NCF1: variants seen among roughly 807,000 people sequenced by gnomAD.
NCF1 encodes the protein neutrophil cytosol factor 1.
Under a neutral mutation model 34.9 loss-of-function variants are expected in NCF1, and 8 were observed. The observed-to-expected ratio is 0.23, with a 90% CI of 0.13 to 0.41. The LOEUF (loss-of-function observed/expected upper bound fraction) is 0.41, where lower values mean the gene tolerates loss of function less well. Among genes scored for constraint, NCF1 ranks in the 10% least tolerant of loss-of-function variants. The probability of loss-of-function intolerance (pLI) is 1.00; values close to 1 mark genes in which losing one functional copy is unlikely to be tolerated. For synonymous variants in NCF1, 57 were observed against 146.3 expected (o/e 0.39, Z 4.41); for missense variants, 122 against 362.4 (o/e 0.34, Z 5.39).
At chr7:74,783,126 C>T (rs1227989176) in intron 6 of NCF1, 65 bp downstream of exon 6, 1 of 1,578,270 alleles carries the variant, frequency 6.3e-7, no homozygotes, top group African/African-American at 1.4e-5. Context: ...CACAAGCCCC[C>T]TGCCAAGGCT....
Position 74,779,407 on chromosome 7 carries a change from TC to T in NCF1, c.384del (p.Thr129ArgfsTer12). The stretch of plus-strand genomic sequence containing the variant: ...AAGGTGCGCCCTGATGACCTCAAGC[TC>T]CCCACGGACAACCAGTGAGTGAACT... ...FFKVRPDDLKLPTDNQTKKPE... is the reference protein window; with the variant it reads ...FFKVRPDDLKXPTDNQTKKPE... On this transcript the variant is annotated frameshift_variant, in exon 4 of 11. Transcript: ENST00000289473. LOFTEE classifies it high-confidence loss of function. 6.3e-7 allele frequency: 1 copy of T among 1,581,072 alleles called. No homozygotes were observed.
intron 8 of NCF1, 56 bp from the exon 9 acceptor site, chr7:74,787,928 C>T (rs1178382151): frequency 8.8e-6 from 1 of 114,002 alleles, no homozygotes; most frequent in Non-Finnish European, 1.5e-5. Context: ...CTGAAACCCT[C>T]TCCTCTGGGC....
chr7:74,785,859 G>A (rs1796663495), intron 8 of NCF1, among the ~76,000 whole-genome samples: 1 of 141,756 alleles, frequency 7.1e-6, no homozygotes, highest in African/African-American at 2.7e-5. Context: ...CTCCAGCCTG[G>A]GCAACGAGAG....
chr7:74,787,254 C>T (rs707368), intron 8 of NCF1, among the ~76,000 whole-genome samples: 126,930 of 151,740 alleles, frequency 0.84, 53,010 homozygotes, highest in East Asian at 0.97. Flanking sequence ...CCATGACCAA[C>T]ATGGTGAAAT....
intron 2 of NCF1, 63 bp downstream of exon 2, chr7:74,777,410 C>T: frequency 1.5e-6 from 2 of 1,308,582 alleles, no homozygotes. Flanking sequence ...TTGGGAAGGA[C>T]CTTAGCCCAG....
intron 1 of NCF1, among the ~76,000 whole-genome samples, chr7:74,775,915 G>A (rs1254778920): frequency 6.8e-6 from 1 of 147,100 alleles, no homozygotes; most frequent in Non-Finnish European, 1.5e-5. Flanking sequence ...TTTTGGTAGA[G>A]ACAGGGTTTT....
Position 74,788,481 on chromosome 7 carries a change from G to C in NCF1, c.906-78G>C, listed in dbSNP as rs1441778924. 3 of 1,372,500 alleles carry C rather than the reference G, an allele frequency of 2.2e-6. No homozygotes were observed. The East Asian group carries it at 7.7e-5, about 35-fold the overall frequency. 85.0% of individuals were successfully genotyped at this position (1,372,500 alleles called of 1,614,324 possible). On this transcript the variant is annotated intron_variant, in intron 9 of 10. Coordinates refer to ENST00000289473, the MANE Select transcript of NCF1 (RefSeq NM_000265.7). Reference sequence around the variant, plus strand: ...GCCCCCTACTGCCCCCCACTTCCTCGGACCAGGGGTGCCCATCTGAGTCCC... The same window carrying C: ...GCCCCCTACTGCCCCCCACTTCCTCCGACCAGGGGTGCCCATCTGAGTCCC...
chr7:74,783,048 G>A lies in NCF1; in HGVS notation c.561G>A (p.Glu187=). ...CGGGGGACGTGGTGGAGGTCGTAGA[G>A]AAGAGCGAGAGCGGTCAGACCTCCC... ...LSTGDVVEVV[E]KSESGWWFCQ... The change falls in exon 6 of 11, where the codon GAG becomes GAA. Residue 187 remains glutamate, a synonymous_variant. Transcript: ENST00000289473. 6 of 1,611,562 alleles carry A rather than the reference G, an allele frequency of 3.7e-6. No individual in the cohort carries two copies. Among genetic ancestry groups the A allele is most frequent in the Non-Finnish European group, 4.2e-6 (5 of 1,179,678 alleles).
At chr7:74,785,864 C>T (rs1231482252) in intron 8 of NCF1, among the ~76,000 whole-genome samples, 10 of 117,708 alleles carry the variant, frequency 8.5e-5, no homozygotes, top group South Asian at 2.7e-4. Flanking sequence ...GCCTGGGCAA[C>T]GAGAGCGAAA....
intron 8 of NCF1, among the ~76,000 whole-genome samples, chr7:74,785,934 T>C: frequency 7.2e-6 from 1 of 138,298 alleles, no homozygotes; most frequent in Non-Finnish European, 1.6e-5. Context: ...TTCCTTTATC[T>C]TTTAAAGCTT....
intron 7 of NCF1, 39 bp downstream of exon 7, chr7:74,783,671 A>C (rs2131605800): frequency 6.3e-7 from 1 of 1,596,498 alleles, no homozygotes; most frequent in Non-Finnish European, 8.5e-7. Context: ...GTGTGGGAGA[A>C]AGGGGCAGGC....
intron 8 of NCF1, among the ~76,000 whole-genome samples, chr7:74,786,462 C>G (rs1796676109): frequency 6.6e-6 from 1 of 152,070 alleles, no homozygotes; most frequent in South Asian, 2.1e-4. Context: ...GACTCCCAAG[C>G]TGGAGCACAA....
At chr7:74,775,940 G>A (rs587615323) in intron 1 of NCF1, among the ~76,000 whole-genome samples, 2 of 85,142 alleles carry the variant, frequency 2.3e-5, no homozygotes, top group South Asian at 4.3e-4. Flanking sequence ...TATTGATTCT[G>A]GATCAGTCTT....
At chr7:74,785,652 A>G (rs2472047) in intron 8 of NCF1, 47 of 354,646 alleles carry the variant, frequency 1.3e-4, no homozygotes, top group Admixed American at 4.2e-4. Flanking sequence ...GGAGCCCAGG[A>G]CAGGACGATC....
At chr7:74,781,618 G>A (rs1343009095) in intron 5 of NCF1, 9 of 150,240 alleles carry the variant, frequency 6.0e-5, no homozygotes, top group East Asian at 3.9e-4. Flanking sequence ...CTACAGCCTC[G>A]ACCTCCTGGG....
rs782526868 is a variant in NCF1 at position 74,783,031 on chromosome 7, G to A, written c.544G>A (p.Val182Met). 23 of 1,611,386 alleles carry A rather than the reference G, an allele frequency of 1.4e-5. No individual in the cohort carries two copies. The East Asian group carries it at 2.7e-4, about 19-fold the overall frequency. The change falls in exon 6 of 11, where the codon GTG (valine) becomes ATG (methionine). Residue 182 changes from valine to methionine, a missense_variant. Around this residue, in one of 9 missense-constraint regions of NCF1, gnomAD observed 57 missense variants for 89.3 expected, o/e 0.64. Coordinates refer to ENST00000289473, the MANE Select transcript of NCF1 (RefSeq NM_000265.7). ...CGAGATGGCTCTGTCCACGGGGGAC[G>A]TGGTGGAGGTCGTAGAGAAGAGCGA... ...GSEMALSTGD[V>M]VEVVEKSESG...
intron 8 of NCF1, among the ~76,000 whole-genome samples, chr7:74,787,190 C>G (rs1208143151): frequency 6.6e-6 from 1 of 151,908 alleles, no homozygotes; most frequent in Non-Finnish European, 1.5e-5. Flanking sequence ...GTAATCTCAG[C>G]ACTTTGGGAG....
intron 8 of NCF1, among the ~76,000 whole-genome samples, chr7:74,787,159 C>A (rs1474652440): frequency 1.3e-5 from 2 of 151,660 alleles, no homozygotes; most frequent in African/African-American, 2.4e-5. Flanking sequence ...CCATTTGGGG[C>A]TGGACAGGGA....
intron 1 of NCF1, among the ~76,000 whole-genome samples, chr7:74,775,780 C>T (rs1365688501): frequency 7.6e-6 from 1 of 130,850 alleles, no homozygotes; most frequent in Admixed American, 7.9e-5. Flanking sequence ...TGTCGCCAGA[C>T]TGGAGTGCAG....
Sources: gnomAD v4.1 joint callset for allele counts (sites outside exome capture counted in the v4.1 genomes callset) on GRCh38, gnomAD v4.1.1 for gene constraint, gnomAD v4.1.1 regional missense constraint, MANE v1.5 for transcripts, NCBI Gene and HGNC (gene_info 2026-07-23, HGNC 2026-07-21) for gene names.